ATRNL1: variants seen among roughly 807,000 people sequenced by gnomAD.
ATRNL1 encodes attractin-like protein 1.
ATRNL1 carries 95 observed loss-of-function variants against 182.7 expected under a neutral mutation model. The observed-to-expected ratio is 0.52, with a 90% confidence interval of 0.44 to 0.62. The LOEUF is 0.62. Among genes scored for constraint, ATRNL1 ranks in the 20% least tolerant of loss-of-function variants. The probability of loss-of-function intolerance (pLI) is 0.00; values close to 1 mark genes in which losing one functional copy is unlikely to be tolerated. For synonymous variants in ATRNL1, 576 were observed against 568.3 expected, an observed-to-expected ratio of 1.01 and a Z score of -0.19; for missense variants, 1,471 against 1,679.5, an observed-to-expected ratio of 0.88 and a Z score of 2.17.
intron 25 of ATRNL1, among the ~76,000 whole-genome samples, chr10:115,542,290 G>A (rs1280980251): frequency 2.6e-5 from 4 of 152,032 alleles, no homozygotes; most frequent in African/African-American, 7.2e-5. Context: ...TTACAGAACC[G>A]TGGCAGGGAG....
chr10:115,870,152 T>C (rs928541483), intron 28 of ATRNL1, among the ~76,000 whole-genome samples: 1 of 152,214 alleles, frequency 6.6e-6, no homozygotes, highest in African/African-American at 2.4e-5. Flanking sequence ...AGGAAAATTT[T>C]ACCAACTTTT....
chr10:115,742,197 A>G (rs1200077095), intron 27 of ATRNL1, among the ~76,000 whole-genome samples: 2 of 152,158 alleles, frequency 1.3e-5, no homozygotes, highest in Admixed American at 6.6e-5. Context: ...GGAAGGAAGG[A>G]CATGAGATAG....
intron 10 of ATRNL1, among the ~76,000 whole-genome samples, chr10:115,250,322 A>G (rs1850821214): frequency 6.6e-6 from 1 of 152,254 alleles, no homozygotes. Flanking sequence ...ATAGAGGTAT[A>G]TAACTTTCCA....
chr10:115,810,999 T>C (rs1056105687), intron 27 of ATRNL1, among the ~76,000 whole-genome samples: 1 of 151,912 alleles, frequency 6.6e-6, no homozygotes, highest in African/African-American at 2.4e-5. Context: ...TTGATATTTG[T>C]ATCTTTATTA....
rs1040258577 is a variant in ATRNL1, at chr10:115,271,472, G to A, written c.2100+3028G>A. On this transcript the variant is annotated intron_variant, in intron 13 of 28. Transcript: ENST00000355044. ...CGACAGGCCCCGGCAATTCCTCAAC[G>A]ATCTAGAACTAGAAATACCATTTGA... Among the ~76,000 whole-genome samples, 6 of 150,726 alleles carry A rather than the reference G, an allele frequency of 4.0e-5. No individual in the cohort carries two copies. The East Asian group carries it at 7.8e-4, about 20-fold the overall frequency.
chr10:115,721,876 A>G (rs1281503010), intron 26 of ATRNL1, among the ~76,000 whole-genome samples: 1 of 152,212 alleles, frequency 6.6e-6, no homozygotes, highest in East Asian at 1.9e-4. Flanking sequence ...TGACAGTGAA[A>G]GGTAGGTTTA....
intron 19 of ATRNL1, among the ~76,000 whole-genome samples, chr10:115,370,157 C>T (rs929332746): frequency 1.5e-4 from 23 of 152,174 alleles, no homozygotes; most frequent in African/African-American, 5.5e-4. Context: ...TGAGGCCTCC[C>T]CAGCCATGTG....
chr10:115,703,547 A>G (rs1478275044), intron 26 of ATRNL1, among the ~76,000 whole-genome samples: 1 of 151,844 alleles, frequency 6.6e-6, no homozygotes, highest in Non-Finnish European at 1.5e-5. Flanking sequence ...AGTAGCACAT[A>G]GGTTGATGGA....
At position 115,334,349 on chromosome 10, in the gene ATRNL1, C is replaced by T. The variant is rs1554936016; in HGVS notation, c.3105C>T (p.Thr1035=). Residue 1035 remains threonine, a synonymous_variant, in exon 19 of 29, where the codon ACC becomes ACT. Coordinates refer to ENST00000355044, the MANE Select transcript of ATRNL1 (RefSeq NM_207303.4). ...NNVCEQCKNL[T]TGKQCQDCMP... is the part of the protein sequence containing the mutation. ...TGTGCGAACAGTGTAAAAATCTCAC[C>T]ACAGGAAAGCAGTGTCAAGATTGTA... 1.2e-6 allele frequency: 2 copies of T among 1,605,430 alleles called. No individual in the cohort carries two copies. Among genetic ancestry groups the T allele is most frequent in the East Asian group, 4.5e-5 (2 of 44,756 alleles).
At chr10:115,468,515 A>G (rs1554971361) in intron 23 of ATRNL1, among the ~76,000 whole-genome samples, 1 of 150,812 alleles carries the variant, frequency 6.6e-6, no homozygotes, top group Non-Finnish European at 1.5e-5. Context: ...AGGTGAAAGT[A>G]TTGCTAAGAT....
intron 26 of ATRNL1, among the ~76,000 whole-genome samples, chr10:115,568,121 G>A (rs1555002432): frequency 6.6e-6 from 1 of 152,096 alleles, no homozygotes; most frequent in African/African-American, 2.4e-5. Context: ...TTTTATGAAT[G>A]TAGGTACGTA....
chr10:115,731,688 C>T (rs1010141399), intron 27 of ATRNL1, among the ~76,000 whole-genome samples: 2 of 150,200 alleles, frequency 1.3e-5, no homozygotes, highest in Admixed American at 6.7e-5. Flanking sequence ...ATATAATGCA[C>T]TGATTTTTGG....
chr10:115,263,568 T>G (rs1017427150), intron 10 of ATRNL1, among the ~76,000 whole-genome samples: 1 of 151,824 alleles, frequency 6.6e-6, no homozygotes, highest in Non-Finnish European at 1.5e-5. Flanking sequence ...ACCTGCTCCA[T>G]CAATTTCACT....
intron 26 of ATRNL1, among the ~76,000 whole-genome samples, chr10:115,625,791 TGACCCTATA>T (rs1555024458): frequency 2.0e-5 from 3 of 152,036 alleles, no homozygotes; most frequent in African/African-American, 7.2e-5. Flanking sequence ...CGCATAGGAA[TGACCCTATA>T]TGCTTATATT....
At chr10:115,372,364 A>T (rs1326932389) in intron 19 of ATRNL1, among the ~76,000 whole-genome samples, 1 of 152,034 alleles carries the variant, frequency 6.6e-6, no homozygotes, top group Non-Finnish European at 1.5e-5. Flanking sequence ...AAGCTTCTTA[A>T]TTGGAAACAA....
chr10:115,519,537 T>C (rs143539047), intron 25 of ATRNL1, among the ~76,000 whole-genome samples: 72 of 152,290 alleles, frequency 4.7e-4, no homozygotes, highest in African/African-American at 1.5e-3. Context: ...TACTATTTAA[T>C]AGCCAATGGA....
rs778307945 is a variant in ATRNL1 at position 115,575,543 on chromosome 10, G to A, written c.3795+26007G>A. ...ATTGTTCATCACGTAGTCATTTGCCGTTCCTGTTAGTGTTTTCCAAGTGTT... is the reference window on the plus strand; with the variant it reads ...ATTGTTCATCACGTAGTCATTTGCCATTCCTGTTAGTGTTTTCCAAGTGTT... On this transcript the variant is annotated intron_variant, in intron 26 of 28. Transcript: ENST00000355044. Among the ~76,000 whole-genome samples the A allele has an allele frequency of 3.3e-5, 5 of 152,136 alleles. No homozygotes were observed. In the East Asian group the frequency reaches 7.7e-4, roughly 23 times the overall value.
At chr10:115,148,135 T>G (rs560295568) in intron 5 of ATRNL1, among the ~76,000 whole-genome samples, 1 of 152,246 alleles carries the variant, frequency 6.6e-6, no homozygotes, top group South Asian at 2.1e-4. Context: ...TTCTTCTGTG[T>G]TTTGTAGTTT....
intron 26 of ATRNL1, among the ~76,000 whole-genome samples, chr10:115,630,851 C>CAT (rs1251385360): frequency 1.9e-4 from 28 of 145,602 alleles, no homozygotes; most frequent in Non-Finnish European, 3.0e-5. Context: ...CACACACACA[C>CAT]ACACACACAC....
Sources: allele counts gnomAD v4.1 joint callset (sites outside exome capture counted in the v4.1 genomes callset), GRCh38; gene constraint gnomAD v4.1.1; transcripts MANE v1.5; gene names NCBI Gene and HGNC (gene_info 2026-07-23, HGNC 2026-07-21).